FGD5: variants seen among roughly 807,000 people sequenced by gnomAD.
The protein encoded by FGD5 is FYVE, RhoGEF and PH domain containing 5.
In FGD5, 28 loss-of-function variants were observed where a neutral mutation model predicts 133.4. That is an observed-to-expected ratio of 0.21 (90% CI 0.16 to 0.29). FGD5 has a LOEUF of 0.29. Ranked by LOEUF, FGD5 falls within the 10% of genes least tolerant of loss-of-function variation. FGD5 has a pLI of 1.00. For synonymous variants in FGD5, 810 were observed against 776.5 expected (o/e 1.04, Z -0.72); for missense variants, 1,858 against 1,895.2 (o/e 0.98, Z 0.36).
chr3:14,918,711 C>G, intron 12 of FGD5, 43 bp from the exon 13 acceptor site: 4 of 1,591,994 alleles, frequency 2.5e-6, no homozygotes, highest in Non-Finnish European at 3.4e-6. Flanking sequence ...TACACTTGCC[C>G]CTCCCTGCCC....
chr3:14,865,569 G>C (rs529873582), intron 2 of FGD5, among the ~76,000 whole-genome samples: 2 of 148,248 alleles, frequency 1.3e-5, no homozygotes, highest in Non-Finnish European at 3.0e-5. Context: ...TCATCTCCCC[G>C]CTGCCTCTTC....
intron 9 of FGD5, among the ~76,000 whole-genome samples, chr3:14,903,503 C>G (rs887026272): frequency 1.7e-5 from 2 of 120,580 alleles, no homozygotes; most frequent in African/African-American, 3.2e-5. Flanking sequence ...TCCCTCCCCC[C>G]TCCCCCCACC....
intron 11 of FGD5, among the ~76,000 whole-genome samples, chr3:14,912,524 C>A (rs912606112): frequency 7.2e-5 from 11 of 152,144 alleles, no homozygotes; most frequent in African/African-American, 2.7e-4. Flanking sequence ...ATGCCTGAGT[C>A]CTTTTCTCTA....
At chr3:14,824,412 T>C (rs1261741766) in intron 1 of FGD5, among the ~76,000 whole-genome samples, 1 of 152,014 alleles carries the variant, frequency 6.6e-6, no homozygotes, top group Non-Finnish European at 1.5e-5. Flanking sequence ...GATGAGAGGG[T>C]GGGGAGGCAG....
intron 19 of FGD5, 46 bp from the exon 20 acceptor site, chr3:14,933,085 T>C (rs1156973598): frequency 6.2e-7 from 1 of 1,603,906 alleles, no homozygotes. Flanking sequence ...ACCAGAGTCA[T>C]AGGCAGAGCC....
At chr3:14,915,084 G>T (rs974797643) in intron 11 of FGD5, among the ~76,000 whole-genome samples, 1 of 152,242 alleles carries the variant, frequency 6.6e-6, no homozygotes, top group Non-Finnish European at 1.5e-5. Context: ...CAGAGTTGAG[G>T]GCTGGAGGCG....
rs112020073 is a variant in FGD5, at chr3:14,844,004, CTTTTCT to C, written c.2526-20123_2526-20118del. 4.9e-3 allele frequency among the ~76,000 whole-genome samples: 737 copies of C among 150,210 alleles called. 4 individuals are homozygous for C. Among genetic ancestry groups the C allele is most frequent in the African/African-American group, 0.017 (690 of 41,040 alleles). On this transcript the variant is annotated intron_variant, in intron 1 of 19. Coordinates refer to ENST00000285046, the MANE Select transcript of FGD5 (RefSeq NM_152536.4). ...GCCACTGCGCCCAGCTCCCAGGGCG[CTTTTCT>C]AACTTCCTTTGAAACTCACAGCAAC...
chr3:14,844,266 ATATAT>A (rs1559477516), intron 1 of FGD5, among the ~76,000 whole-genome samples: 1 of 87,340 alleles, frequency 1.1e-5, no homozygotes, highest in Non-Finnish European at 2.2e-5. Context: ...ATATATATAT[ATATAT>A]AATGCAGGTT....
At chr3:14,814,209 C>G (rs918747541), upstream of FGD5, among the ~76,000 whole-genome samples, 3 of 152,172 alleles carry the variant, frequency 2.0e-5, no homozygotes, top group Non-Finnish European at 2.9e-5. Context: ...CCAGCTACAT[C>G]CATGCTGGGT....
At chr3:14,837,354 C>T (rs920133472) in intron 1 of FGD5, among the ~76,000 whole-genome samples, 2 of 152,152 alleles carry the variant, frequency 1.3e-5, no homozygotes, top group African/African-American at 4.8e-5. Context: ...GGCGGTTGCT[C>T]AGTTCACGGA....
chr3:14,831,575 A>G lies in FGD5; in HGVS notation c.2525+9979A>G, dbSNP rs558428481. On this transcript the variant is annotated intron_variant, in intron 1 of 19. Transcript: ENST00000285046. ...AGTGCTCTTCCCAGAAGACCATGCT[A>G]GTCCAGGGAACCAAGAGGAGACTGG... 2.0e-5 allele frequency among the ~76,000 whole-genome samples: 3 copies of G among 152,228 alleles called. No individual in the cohort carries two copies. In the East Asian group the frequency reaches 5.8e-4, roughly 29 times the overall value.
intron 9 of FGD5, among the ~76,000 whole-genome samples, chr3:14,907,332 A>G (rs1036882983): frequency 1.2e-4 from 19 of 152,316 alleles, no homozygotes; most frequent in Middle Eastern, 3.4e-3. Context: ...TGAAGTCCCC[A>G]TGCTCCAGAC....
chr3:14,830,588 T>G (rs931663440), intron 1 of FGD5, among the ~76,000 whole-genome samples: 2 of 152,230 alleles, frequency 1.3e-5, no homozygotes, highest in African/African-American at 2.4e-5. Flanking sequence ...TTCTCGCTAA[T>G]AGAAGAGAGT....
intron 13 of FGD5, among the ~76,000 whole-genome samples, chr3:14,919,288 T>A (rs1304499607): frequency 6.6e-6 from 1 of 151,972 alleles, no homozygotes; most frequent in East Asian, 1.9e-4. Context: ...TATGTTGCCC[T>A]GTCTGTGTGG....
intron 1 of FGD5, among the ~76,000 whole-genome samples, chr3:14,858,881 G>A (rs1476031434): frequency 6.6e-6 from 1 of 152,204 alleles, no homozygotes; most frequent in Non-Finnish European, 1.5e-5. Context: ...TCCTTGCCCT[G>A]TGTATAATCA....
chr3:14,866,657 A>G (rs142240592), intron 2 of FGD5, among the ~76,000 whole-genome samples: 239 of 152,370 alleles, frequency 1.6e-3, no homozygotes, highest in Non-Finnish European at 2.8e-3. Context: ...AAGTCTAAGG[A>G]GAACTAGAAC....
At chr3:14,862,582 T>C (rs1240687502) in intron 1 of FGD5, among the ~76,000 whole-genome samples, 3 of 152,218 alleles carry the variant, frequency 2.0e-5, no homozygotes, top group African/African-American at 7.2e-5. Context: ...TTTCTTTGTA[T>C]ACCTTGGTAG....
chr3:14,854,831 A>C (rs2037245011), intron 1 of FGD5, among the ~76,000 whole-genome samples: 1 of 152,228 alleles, frequency 6.6e-6, no homozygotes, highest in African/African-American at 2.4e-5. Context: ...GCATACCATC[A>C]TCTCAAACGT....
At chr3:14,915,605 C>T (rs931112484) in intron 11 of FGD5, among the ~76,000 whole-genome samples, 11 of 152,096 alleles carry the variant, frequency 7.2e-5, no homozygotes, top group African/African-American at 2.7e-4. Context: ...GTTTAGGGCT[C>T]ATCCTGGTTG....
Sources: allele counts gnomAD v4.1 joint callset (sites outside exome capture counted in the v4.1 genomes callset), GRCh38; gene constraint gnomAD v4.1.1; transcripts MANE v1.5; gene names NCBI Gene and HGNC (gene_info 2026-07-23, HGNC 2026-07-21).